Variants in NELL1 observed in about 807,000 individuals in gnomAD.
NELL1 encodes protein kinase C-binding protein NELL1.
NELL1 carries 76 observed loss-of-function variants against 107.4 expected under a neutral mutation model. The ratio of observed to expected loss-of-function variants is 0.71; its 90% CI spans 0.59 to 0.86. The LOEUF (loss-of-function observed/expected upper bound fraction) is 0.86. NELL1 is among the 40% of genes least tolerant of loss of function. NELL1 has a pLI of 0.00. For synonymous variants in NELL1, 353 were observed against 341.2 expected (o/e 1.03, Z -0.38); for missense variants, 1,024 against 1,005.5 (o/e 1.02, Z -0.25).
intron 12 of NELL1, among the ~76,000 whole-genome samples, chr11:21,061,233 A>G (rs1321409121): frequency 6.6e-6 from 1 of 152,222 alleles, no homozygotes; most frequent in African/African-American, 2.4e-5. Flanking sequence ...GACAGTAGGC[A>G]AACACATAAG....
At chr11:21,064,959 T>C (rs1375521681) in intron 12 of NELL1, among the ~76,000 whole-genome samples, 1 of 152,234 alleles carries the variant, frequency 6.6e-6, no homozygotes, top group East Asian at 1.9e-4. Context: ...TGATTTCAGA[T>C]GTAAACATAT....
intron 13 of NELL1, among the ~76,000 whole-genome samples, chr11:21,185,333 T>C (rs1856911989): frequency 6.7e-6 from 1 of 148,878 alleles, no homozygotes; most frequent in South Asian, 2.1e-4. Context: ...TTCGCTCTTG[T>C]TGCCCAGGCT....
chr11:20,718,051 G>A (rs1855294418), intron 2 of NELL1, among the ~76,000 whole-genome samples: 1 of 152,162 alleles, frequency 6.6e-6, no homozygotes, highest in African/African-American at 2.4e-5. Flanking sequence ...TCACATTTAT[G>A]TCCTTATGTT....
rs547444150 is a variant in NELL1, at chr11:21,281,696, G to A, written c.1549+52242G>A. Among the ~76,000 whole-genome samples the A allele has an allele frequency of 2.8e-3, 432 of 152,292 alleles. 4 individuals are homozygous for A. The highest frequency in any genetic ancestry group is 4.6e-3 in the Non-Finnish European group (311 of 68,022). ...GTCACTCCACCCCCAGATCCAGAGA[G>A]AGAGAGAGACTCCATTTGTTTGGGA... On this transcript the variant is annotated intron_variant, in intron 14 of 19. Transcript: ENST00000357134.
chr11:21,309,291 TATATATATGTATATATATATAATATA>T, intron 14 of NELL1, among the ~76,000 whole-genome samples: 1 of 78,826 alleles, frequency 1.3e-5, no homozygotes, highest in East Asian at 2.9e-4. Flanking sequence ...TATATATATA[TATATATATGTATATATATATAATATA>T]TATATATATT....
intron 12 of NELL1, among the ~76,000 whole-genome samples, chr11:21,009,985 T>C (rs569957418): frequency 1.6e-5 from 2 of 122,252 alleles, no homozygotes; most frequent in South Asian, 5.8e-4. Flanking sequence ...GCTAATCTTC[T>C]CCCTGTGCTG....
At chr11:21,537,821 G>A (rs1856175338) in intron 16 of NELL1, among the ~76,000 whole-genome samples, 2 of 152,082 alleles carry the variant, frequency 1.3e-5, no homozygotes, top group Non-Finnish European at 2.9e-5. Context: ...TAGTTGTGTG[G>A]TGTAGATTGT....
intron 13 of NELL1, among the ~76,000 whole-genome samples, chr11:21,226,923 A>G (rs1032507718): frequency 2.0e-4 from 31 of 152,198 alleles, no homozygotes; most frequent in Admixed American, 1.6e-3. Flanking sequence ...AAACAACATG[A>G]AAAACTAGAG....
At chr11:21,464,002 T>G (rs1853963877) in intron 15 of NELL1, among the ~76,000 whole-genome samples, 1 of 152,098 alleles carries the variant, frequency 6.6e-6, no homozygotes, top group Non-Finnish European at 1.5e-5. Flanking sequence ...TATCCTCATG[T>G]CATTTGGGCT....
At chr11:21,560,433 C>G in intron 17 of NELL1, 51 bp downstream of exon 17, 2 of 1,478,398 alleles carry the variant, frequency 1.4e-6, no homozygotes, top group Middle Eastern at 1.9e-4. Context: ...TCTCTTCTTC[C>G]CTCACTTTTC....
At position 20,844,646 on chromosome 11, in the gene NELL1, G is replaced by T. The variant is rs12284523; in HGVS notation, c.336-2937G>T. ...CCACGTGGCTCCTATTCACTTGCTCGTAGCGTCAGACTTCTGCTCCCTTCA... is the reference window on the plus strand; with the variant it reads ...CCACGTGGCTCCTATTCACTTGCTCTTAGCGTCAGACTTCTGCTCCCTTCA... On this transcript the variant is annotated intron_variant, in intron 3 of 19. Transcript: ENST00000357134. Among the ~76,000 whole-genome samples, 14 of 151,762 alleles carry T rather than the reference G, an allele frequency of 9.2e-5. No homozygotes were observed. In the South Asian group the frequency reaches 1.7e-3, roughly 18 times the overall value.
In NELL1 at chr11:20,815,434, T is replaced by C. The variant is rs183148968; in HGVS notation, c.335+31604T>C. Among the ~76,000 whole-genome samples the C allele has an allele frequency of 1.6e-3, 246 of 152,296 alleles. 1 individual carries two copies. The highest frequency in any genetic ancestry group is 5.6e-3 in the African/African-American group (231 of 41,570). On this transcript the variant is annotated intron_variant, in intron 3 of 19. Transcript: ENST00000357134. Reference sequence around the variant, plus strand: ...TAGTGATGTGGAGCATTTTTGCTTATGTTTTTTGGCCACTCGCATGTCTTC... The same window carrying C: ...TAGTGATGTGGAGCATTTTTGCTTACGTTTTTTGGCCACTCGCATGTCTTC...
At chr11:20,679,008 C>T (rs1337185955) in intron 2 of NELL1, among the ~76,000 whole-genome samples, 2 of 152,092 alleles carry the variant, frequency 1.3e-5, no homozygotes, top group Non-Finnish European at 2.9e-5. Context: ...AAAGGTAAGG[C>T]AAAAGCCAAC....
chr11:21,034,077 C>G (rs1036140599), intron 12 of NELL1, among the ~76,000 whole-genome samples: 8 of 152,046 alleles, frequency 5.3e-5, no homozygotes, highest in Admixed American at 3.9e-4. Flanking sequence ...CATTATGAAA[C>G]CTTTGCCCAT....
chr11:20,875,105 A>G (rs1849277786), intron 4 of NELL1, among the ~76,000 whole-genome samples: 1 of 152,178 alleles, frequency 6.6e-6, no homozygotes, highest in Admixed American at 6.5e-5. Context: ...CTCATGGTAC[A>G]CTTTAAGATC....
chr11:20,779,269 A>G (rs1373644925), intron 2 of NELL1, among the ~76,000 whole-genome samples: 2 of 152,210 alleles, frequency 1.3e-5, no homozygotes, highest in East Asian at 1.9e-4. Context: ...TGAAGGTGGC[A>G]TGATACGCAC....
At chr11:21,061,710 C>T (rs541935207) in intron 12 of NELL1, among the ~76,000 whole-genome samples, 21 of 152,174 alleles carry the variant, frequency 1.4e-4, no homozygotes, top group Non-Finnish European at 2.1e-4. Context: ...GCTGATACTT[C>T]GGATTTTGCT....
intron 14 of NELL1, among the ~76,000 whole-genome samples, chr11:21,272,389 TAAAC>T (rs1419445257): frequency 2.0e-5 from 3 of 152,054 alleles, no homozygotes; most frequent in African/African-American, 7.2e-5. Flanking sequence ...CTTGAGTAGA[TAAAC>T]AAAGCAGCTG....
At chr11:21,190,047 T>C (rs1857016506) in intron 13 of NELL1, among the ~76,000 whole-genome samples, 2 of 151,772 alleles carry the variant, frequency 1.3e-5, no homozygotes, top group African/African-American at 4.9e-5. Context: ...CCAGAGAGTT[T>C]ATTTAGATTT....
Sources: allele counts gnomAD v4.1 joint callset (sites outside exome capture counted in the v4.1 genomes callset), GRCh38; gene constraint gnomAD v4.1.1; transcripts MANE v1.5; gene names NCBI Gene and HGNC (gene_info 2026-07-23, HGNC 2026-07-21).